FOCAD: variants seen among roughly 807,000 people sequenced by gnomAD.
FOCAD encodes focadhesin, also known as KIAA1797.
FOCAD carries 198 observed loss-of-function variants against 225.6 expected under a neutral mutation model. The ratio of observed to expected loss-of-function variants is 0.88; its 90% CI spans 0.78 to 0.99. The LOEUF is 0.99. FOCAD is among the 50% of genes least tolerant of loss of function. The probability of loss-of-function intolerance (pLI) is 0.00; values close to 1 mark genes in which losing one functional copy is unlikely to be tolerated. For missense variants in FOCAD, 2,713 were observed against 2,123.6 expected (o/e 1.28, Z -5.46); for synonymous variants, 897 against 755.0 (o/e 1.19, Z -3.08).
chr9:20,766,079 A>G (rs1420027632), intron 7 of FOCAD, among the ~76,000 whole-genome samples: 1 of 152,222 alleles, frequency 6.6e-6, no homozygotes, highest in African/African-American at 2.4e-5. Context: ...GTATAGGCAG[A>G]ACATCTTGAA....
intron 4 of FOCAD, among the ~76,000 whole-genome samples, chr9:20,738,835 T>G (rs1827363832): frequency 6.6e-6 from 1 of 152,196 alleles, no homozygotes; most frequent in African/African-American, 2.4e-5. Flanking sequence ...TAGATTACAT[T>G]AACTTTAATA....
At chr9:20,892,283 G>C (rs1202253900) in intron 21 of FOCAD, among the ~76,000 whole-genome samples, 1 of 152,146 alleles carries the variant, frequency 6.6e-6, no homozygotes, top group East Asian at 1.9e-4. Flanking sequence ...TGACTTTCAA[G>C]TCTTATTTGA....
At chr9:20,768,544 T>G (rs1587088426) in intron 7 of FOCAD, among the ~76,000 whole-genome samples, 1 of 151,932 alleles carries the variant, frequency 6.6e-6, no homozygotes, top group African/African-American at 2.4e-5. Flanking sequence ...GTCCTTCACA[T>G]CCCTTGTAAG....
At chr9:20,665,139 G>A (rs1821859997) in intron 2 of FOCAD, among the ~76,000 whole-genome samples, 1 of 152,220 alleles carries the variant, frequency 6.6e-6, no homozygotes, top group African/African-American at 2.4e-5. Flanking sequence ...TAGAGCTAGA[G>A]TTACTGGCTT....
rs140632711 is a variant in FOCAD at position 20,914,888 on chromosome 9, T to A, written c.2807+1934T>A. 5.9e-5 allele frequency among the ~76,000 whole-genome samples: 9 copies of A among 152,316 alleles called. No individual in the cohort carries two copies. The East Asian group carries it at 1.7e-3, about 29-fold the overall frequency. On this transcript the variant is annotated intron_variant, in intron 23 of 43. Coordinates refer to ENST00000338382, the MANE Select transcript of FOCAD (RefSeq NM_001375567.1). The stretch of plus-strand genomic sequence containing the variant: ...GGCAAGAGATAATAGTGTTTTAGAC[T>A]AGGATGTTAGTGTGGAAAAGTAAAT...
chr9:20,691,507 A>C (rs914387983), intron 1 of FOCAD, among the ~76,000 whole-genome samples: 5 of 151,836 alleles, frequency 3.3e-5, no homozygotes, highest in Non-Finnish European at 7.4e-5. Context: ...TTTGAGATGG[A>C]GTCTCGCTCT....
At chr9:20,938,291 T>G (rs530751855) in intron 28 of FOCAD, among the ~76,000 whole-genome samples, 1 of 152,250 alleles carries the variant, frequency 6.6e-6, no homozygotes, top group South Asian at 2.1e-4. Flanking sequence ...GTATGTTTAT[T>G]GCGGCACTAT....
At position 20,946,681 on chromosome 9, in the gene FOCAD, C is replaced by T. The variant is rs1169980536; in HGVS notation, c.3556-20C>T. On this transcript the variant is annotated intron_variant, in intron 29 of 43. Coordinates refer to ENST00000338382, the MANE Select transcript of FOCAD (RefSeq NM_001375567.1). ...TTTTTCCTCCTGAAGACATATTTTT[C>T]TGCTGTATTTTCTTCTCAGGTCCTT... The T allele has an allele frequency of 1.1e-5, 17 of 1,592,696 alleles. No individual in the cohort carries two copies. The highest frequency in any genetic ancestry group is 1.8e-5 in the Admixed American group (1 of 55,756).
At chr9:20,922,222 G>A (rs1834504309) in intron 24 of FOCAD, among the ~76,000 whole-genome samples, 1 of 152,132 alleles carries the variant, frequency 6.6e-6, no homozygotes, top group Non-Finnish European at 1.5e-5. Context: ...CAAAACCCAG[G>A]TTGGGGCCAT....
At chr9:20,950,719 C>A (rs1036715621) in intron 33 of FOCAD, among the ~76,000 whole-genome samples, 2 of 152,102 alleles carry the variant, frequency 1.3e-5, no homozygotes, top group African/African-American at 4.8e-5. Flanking sequence ...TTATTTGAGA[C>A]CAGTCTCACT....
At chr9:20,942,322 A>G (rs897138182) in intron 28 of FOCAD, among the ~76,000 whole-genome samples, 1 of 152,202 alleles carries the variant, frequency 6.6e-6, no homozygotes, top group Admixed American at 6.5e-5. Flanking sequence ...AGGGGCTTCA[A>G]TCTAGGGGAT....
intron 10 of FOCAD, 112 bp downstream of exon 10, chr9:20,782,041 T>A: frequency 1.1e-6 from 1 of 871,458 alleles, no homozygotes; most frequent in Non-Finnish European, 1.9e-6. Context: ...ACTTCACCAT[T>A]CAGTCAGGTA....
At chr9:20,851,137 C>G (rs796446542) in intron 15 of FOCAD, among the ~76,000 whole-genome samples, 12 of 150,506 alleles carry the variant, frequency 8.0e-5, no homozygotes, top group African/African-American at 2.9e-4. Flanking sequence ...AAACTTATTC[C>G]TTTGCATATT....
At position 20,765,107 on chromosome 9, in the gene FOCAD, C is replaced by T. The variant is rs112380372; in HGVS notation, c.699+34C>T. ...TTTGTCCTCCTCCACAAATATAGGTCAGCATCAGTAAGTGTTGTTATTGTC... is the reference window on the plus strand; with the variant it reads ...TTTGTCCTCCTCCACAAATATAGGTTAGCATCAGTAAGTGTTGTTATTGTC... On this transcript the variant is annotated intron_variant, in intron 7 of 43. Coordinates refer to ENST00000338382, the MANE Select transcript of FOCAD (RefSeq NM_001375567.1). 3,966 of 1,564,182 alleles carry T rather than the reference C, an allele frequency of 2.5e-3. 96 individuals are homozygous for T. The African/African-American group carries it at 0.046, about 18-fold the overall frequency.
At chr9:20,766,733 T>G (rs1830083163) in intron 7 of FOCAD, among the ~76,000 whole-genome samples, 1 of 152,154 alleles carries the variant, frequency 6.6e-6, no homozygotes, top group African/African-American at 2.4e-5. Context: ...TTTCTCTGTT[T>G]TGTTTTGCCA....
At chr9:20,811,611 G>A (rs963176683) in intron 11 of FOCAD, among the ~76,000 whole-genome samples, 2 of 151,982 alleles carry the variant, frequency 1.3e-5, no homozygotes, top group Non-Finnish European at 2.9e-5. Flanking sequence ...TTGAATCTTA[G>A]AAGAGTAAGA....
intron 35 of FOCAD, among the ~76,000 whole-genome samples, chr9:20,963,031 A>C (rs1838903331): frequency 6.6e-6 from 1 of 152,128 alleles, no homozygotes; most frequent in Non-Finnish European, 1.5e-5. Context: ...CCTCCTCCAG[A>C]ATGCATGAAA....
upstream of FOCAD, among the ~76,000 whole-genome samples, chr9:20,658,125 G>T (rs1490669448): frequency 6.6e-6 from 1 of 151,214 alleles, no homozygotes; most frequent in East Asian, 2.0e-4. Flanking sequence ...TGAGGAGGCA[G>T]TCTGCCCGTT....
chr9:20,817,385 G>A (rs138322276), intron 11 of FOCAD, among the ~76,000 whole-genome samples: 2 of 151,916 alleles, frequency 1.3e-5, no homozygotes, highest in African/African-American at 4.8e-5. Context: ...ACCACCCCCT[G>A]CTTCTTACTT....
Sources: allele counts gnomAD v4.1 joint callset (sites outside exome capture counted in the v4.1 genomes callset), GRCh38; gene constraint gnomAD v4.1.1; transcripts MANE v1.5; gene names NCBI Gene and HGNC (gene_info 2026-07-23, HGNC 2026-07-21).